Variants in ATG7 observed in about 807,000 individuals in gnomAD.
The protein encoded by ATG7 is ubiquitin-like modifier-activating enzyme ATG7.
ATG7 carries 70 observed loss-of-function variants against 82.4 expected under a neutral mutation model. That is an observed-to-expected ratio of 0.85 (90% CI 0.70 to 1.04). The LOEUF is 1.04. Among genes scored for constraint, ATG7 ranks in the 50% least tolerant of loss-of-function variants. ATG7 has a pLI of 0.00. For synonymous variants in ATG7, 287 were observed against 313.0 expected (o/e 0.92, Z 0.88); for missense variants, 792 against 864.3 (o/e 0.92, Z 1.05).
intron 20 of ATG7, among the ~76,000 whole-genome samples, chr3:11,523,891 G>C (rs2092506385): frequency 6.6e-6 from 1 of 152,198 alleles, no homozygotes; most frequent in Non-Finnish European, 1.5e-5. Flanking sequence ...AGAATCTTCT[G>C]TTTCCACTTG....
intron 20 of ATG7, among the ~76,000 whole-genome samples, chr3:11,452,195 G>A (rs547201171): frequency 1.3e-5 from 2 of 151,988 alleles, no homozygotes; most frequent in Admixed American, 1.3e-4. Flanking sequence ...GACCAGCCTG[G>A]CCAACACAGT....
chr3:11,549,675 A>G (rs1178539715), intron 20 of ATG7, among the ~76,000 whole-genome samples: 1 of 152,200 alleles, frequency 6.6e-6, no homozygotes, highest in African/African-American at 2.4e-5. Flanking sequence ...GTTTGTACCT[A>G]TTCTGAGTAA....
At chr3:11,486,280 G>T (rs1284940954) in intron 20 of ATG7, among the ~76,000 whole-genome samples, 4 of 152,142 alleles carry the variant, frequency 2.6e-5, no homozygotes, top group Non-Finnish European at 5.9e-5. Flanking sequence ...TGGATTCCTA[G>T]GTATTTTATT....
At chr3:11,482,147 C>T (rs538786871) in intron 20 of ATG7, among the ~76,000 whole-genome samples, 3 of 152,330 alleles carry the variant, frequency 2.0e-5, no homozygotes, top group East Asian at 1.9e-4. Flanking sequence ...CGCTCTGTCC[C>T]GCTTCCTTCC....
chr3:11,558,474 G>GT, downstream of ATG7: 2 of 1,238,916 alleles, frequency 1.6e-6, no homozygotes, highest in African/African-American at 1.6e-5. Flanking sequence ...CCACCCCCAT[G>GT]ATTTTTTTTT....
chr3:11,494,793 G>T (rs910637719), intron 20 of ATG7, among the ~76,000 whole-genome samples: 2 of 152,172 alleles, frequency 1.3e-5, no homozygotes, highest in African/African-American at 4.8e-5. Context: ...GCTTGAACAG[G>T]CCAGGCATGG....
chr3:11,316,834 A>G (rs116414253), intron 9 of ATG7, among the ~76,000 whole-genome samples: 264 of 152,356 alleles, frequency 1.7e-3, no homozygotes, highest in African/African-American at 6.0e-3. Flanking sequence ...CTGAAATCAA[A>G]TGGAATCATC....
intron 20 of ATG7, among the ~76,000 whole-genome samples, chr3:11,504,245 T>C (rs2443708): frequency 0.62 from 94,159 of 152,042 alleles, 29,515 homozygotes; most frequent in East Asian, 0.7. Flanking sequence ...AATGCAACAA[T>C]GCTTTCAAAC....
chr3:11,339,641 A>G (rs1263507523), intron 11 of ATG7, among the ~76,000 whole-genome samples: 1 of 152,226 alleles, frequency 6.6e-6, no homozygotes, highest in Non-Finnish European at 1.5e-5. Context: ...TAACATGAGA[A>G]GGTAGCAGGT....
intron 5 of ATG7, among the ~76,000 whole-genome samples, chr3:11,302,082 G>C (rs925613905): frequency 1.3e-5 from 2 of 152,186 alleles, no homozygotes; most frequent in African/African-American, 2.4e-5. Flanking sequence ...AATACCCTCA[G>C]TGTGCAAGGC....
intron 20 of ATG7, among the ~76,000 whole-genome samples, chr3:11,428,740 A>G (rs2152947319): frequency 6.6e-6 from 1 of 152,370 alleles, no homozygotes; most frequent in East Asian, 1.9e-4. Flanking sequence ...GTTTGTAAAC[A>G]TACAGTCATT....
At chr3:11,533,539 T>TAA (rs66794993) in intron 20 of ATG7, among the ~76,000 whole-genome samples, 21,881 of 126,322 alleles carry the variant, frequency 0.17, 2,248 homozygotes, top group South Asian at 0.34. Context: ...CCCCTTCTGT[T>TAA]AAAAAAAAAA....
downstream of ATG7, among the ~76,000 whole-genome samples, chr3:11,560,159 C>T (rs568111601): frequency 2.6e-5 from 4 of 152,268 alleles, no homozygotes; most frequent in South Asian, 2.1e-4. Context: ...CCACCACCAC[C>T]GCTTTTCACT....
chr3:11,360,504 G>A, intron 15 of ATG7, 77 bp from the exon 16 acceptor site: 1 of 1,423,826 alleles, frequency 7.0e-7, no homozygotes, highest in South Asian at 1.3e-5. Context: ...TTAAAAAGTT[G>A]AGCAAATATG....
At chr3:11,315,778 G>A (rs1036120844) in intron 9 of ATG7, among the ~76,000 whole-genome samples, 2 of 152,118 alleles carry the variant, frequency 1.3e-5, no homozygotes, top group Admixed American at 6.5e-5. Context: ...CTGGGCTGGA[G>A]CGCAGTGGCG....
chr3:11,452,892 T>A (rs2085332077), intron 20 of ATG7, among the ~76,000 whole-genome samples: 1 of 152,222 alleles, frequency 6.6e-6, no homozygotes. Flanking sequence ...ATTTCACCAG[T>A]GTTCACTAAG....
chr3:11,410,799 C>G (rs2080821586), intron 19 of ATG7, among the ~76,000 whole-genome samples: 1 of 152,122 alleles, frequency 6.6e-6, no homozygotes, highest in African/African-American at 2.4e-5. Context: ...TTTTGTTTAT[C>G]CATTCATCCA....
Position 11,416,917 on chromosome 3 carries a change from T to C in ATG7, c.1957-9887T>C, listed in dbSNP as rs541709934. Among the ~76,000 whole-genome samples, 18 of 152,348 alleles carry C rather than the reference T, an allele frequency of 1.2e-4. No individual in the cohort carries two copies. In the South Asian group the frequency reaches 2.3e-3, roughly 19 times the overall value. ...ATTGTGTTTTCATTTCTATTTAGTT[T>C]AAATATTTTAAATTTATCTTGAGAT... On this transcript the variant is annotated intron_variant, in intron 19 of 20. Coordinates refer to ENST00000693202, the MANE Select transcript of ATG7 (RefSeq NM_001349232.2).
At chr3:11,551,695 G>C (rs2071800680) in intron 20 of ATG7, among the ~76,000 whole-genome samples, 1 of 152,116 alleles carries the variant, frequency 6.6e-6, no homozygotes, top group African/African-American at 2.4e-5. Context: ...CTCCCAAAGT[G>C]CTGGGATTAC....
Sources: allele counts gnomAD v4.1 joint callset (sites outside exome capture counted in the v4.1 genomes callset), GRCh38; gene constraint gnomAD v4.1.1; transcripts MANE v1.5; gene names NCBI Gene and HGNC (gene_info 2026-07-23, HGNC 2026-07-21).